Variants in PEX5 observed in about 807,000 individuals in gnomAD.
PEX5 encodes peroxisomal biogenesis factor 5, also known as PTS1 receptor.
A neutral mutation model predicts 82.9 loss-of-function variants in PEX5; 52 were observed. The ratio of observed to expected loss-of-function variants is 0.63; its 90% CI spans 0.50 to 0.79. The LOEUF (loss-of-function observed/expected upper bound fraction) is 0.79, where lower values mean the gene tolerates loss of function less well. Among genes scored for constraint, PEX5 ranks in the 30% least tolerant of loss-of-function variants. The pLI, the probability that PEX5 is intolerant of heterozygous loss-of-function variation, is 0.00. For missense variants in PEX5, 719 were observed against 815.2 expected (o/e 0.88, Z 1.44); for synonymous variants, 300 against 318.8 (o/e 0.94, Z 0.63).
chr12:7,203,358 C>A, intron 9 of PEX5, 74 bp from the exon 10 acceptor site: 1 of 1,507,342 alleles, frequency 6.6e-7, no homozygotes, highest in Non-Finnish European at 9.0e-7. Context: ...CTTAGAGAAT[C>A]CCAGCAGAGC....
At chr12:7,190,947 G>A (rs757453465) in intron 3 of PEX5, 24 bp downstream of exon 3, 11 of 1,607,518 alleles carry the variant, frequency 6.8e-6, no homozygotes, top group Non-Finnish European at 7.7e-6. Context: ...TCTCTTTTCT[G>A]TCCCATTTTT....
intron 5 of PEX5, among the ~76,000 whole-genome samples, chr12:7,193,704 AATC>A (rs1941598410): frequency 6.6e-6 from 1 of 152,212 alleles, no homozygotes; most frequent in African/African-American, 2.4e-5. Context: ...AATTCAGAAA[AATC>A]ATTGCTACTA....
chr12:7,213,200 T>C (rs2136288930), downstream of PEX5, among the ~76,000 whole-genome samples: 1 of 151,062 alleles, frequency 6.6e-6, no homozygotes, highest in Middle Eastern at 3.4e-3. Flanking sequence ...TACCAATGAC[T>C]TTCTTCACAG....
chr12:7,209,848 T>TTCTC lies in PEX5; in HGVS notation c.1718+8_1718+9insTCTC. 2.5e-6 allele frequency: 4 copies of TTCTC among 1,613,858 alleles called. No homozygotes were observed. The South Asian group carries it at 4.4e-5, about 18-fold the overall frequency. On this transcript the variant is annotated intron_variant, in intron 15 of 15. Transcript: ENST00000675855. ...CAACCTCGGGGCTCACCGGTGAGAG[T>TTCTC]ATCTATTGAGAAATGAATGAATGAG... is the stretch of plus-strand genomic sequence containing the variant.
intron 5 of PEX5, among the ~76,000 whole-genome samples, chr12:7,195,878 A>G (rs1941975424): frequency 6.6e-6 from 1 of 150,974 alleles, no homozygotes; most frequent in Admixed American, 6.6e-5. Flanking sequence ...ACTTGAGGCA[A>G]CAGTCTAATT....
rs145762725 is a variant in PEX5, at chr12:7,207,722, C to T, written c.1030C>T (p.Arg344Trp). 3.6e-5 allele frequency: 58 copies of T among 1,613,752 alleles called. No individual in the cohort carries two copies. Among genetic ancestry groups the T allele is most frequent in the East Asian group, 3.1e-4 (14 of 44,888 alleles). ...CCCTCAGCCTTTTGAAGAAGGGCTG[C>T]GGCGCCTTCAGGAGGGGGACCTGCC... is the stretch of plus-strand genomic sequence containing the variant. Reference protein sequence around the residue: ...DHPQPFEEGLRRLQEGDLPNA... With the variant: ...DHPQPFEEGLWRLQEGDLPNA... The change falls in exon 11 of 16, where the codon CGG becomes TGG. Residue 344 changes from arginine to tryptophan, a missense_variant. Arg to Trp is a moderately radical substitution (Grantham distance 101). Transcript: ENST00000675855.
At chr12:7,215,951 ATATATTAAT>A, downstream of PEX5, among the ~76,000 whole-genome samples, 1 of 146,914 alleles carries the variant, frequency 6.8e-6, no homozygotes, top group South Asian at 2.2e-4. Flanking sequence ...ATCAATTTAA[ATATATTAAT>A]TAAATTAAAA....
At chr12:7,203,373 T>C (rs939479280) in intron 9 of PEX5, 59 bp from the exon 10 acceptor site, 52 of 1,557,528 alleles carry the variant, frequency 3.3e-5, no homozygotes, top group Non-Finnish European at 3.0e-5. Flanking sequence ...CAGAGCTGAG[T>C]GTGGGGTGGG....
chr12:7,215,706 T>C (rs754547788), downstream of PEX5, among the ~76,000 whole-genome samples: 2 of 151,970 alleles, frequency 1.3e-5, no homozygotes, highest in Non-Finnish European at 2.9e-5. Context: ...CACATGAACA[T>C]AAAGATAGGA....
At chr12:7,197,874 C>T (rs1160700737) in intron 5 of PEX5, among the ~76,000 whole-genome samples, 2 of 152,120 alleles carry the variant, frequency 1.3e-5, no homozygotes, top group Non-Finnish European at 2.9e-5. Flanking sequence ...GTGGAGTTCC[C>T]CCTTGGGAAC....
Position 7,209,784 on chromosome 12 carries a change from C to T in PEX5, c.1662C>T (p.Gly554=). 1 of 1,614,220 alleles carries T rather than the reference C, an allele frequency of 6.2e-7. No individual in the cohort carries two copies. The highest frequency in any genetic ancestry group is 1.1e-5 in the South Asian group (1 of 91,082). ...GCCGGGCCCTCGAGCTCCAGCCTGG[C>T]TATATCCGGTCCCGCTATAACCTGG... is the stretch of plus-strand genomic sequence containing the variant. The part of the protein sequence containing the change: ...AYRRALELQP[G]YIRSRYNLGI... Residue 554 remains glycine, a synonymous_variant, in exon 15 of 16, where the codon GGC becomes GGT. Coordinates refer to ENST00000675855, the MANE Select transcript of PEX5 (RefSeq NM_001351132.2).
Position 7,207,633 on chromosome 12 carries a change from C to G in PEX5, c.967-26C>G, listed in dbSNP as rs3816424. 454,901 of 1,609,100 alleles carry G rather than the reference C, an allele frequency of 0.28. 66,626 individuals are homozygous for G. The highest frequency in any genetic ancestry group is 0.37 in the South Asian group (33,690 of 90,942). On this transcript the variant is annotated intron_variant, in intron 10 of 15. Coordinates refer to ENST00000675855, the MANE Select transcript of PEX5 (RefSeq NM_001351132.2). ...TGTTCTGACGGTGCCACCTCTCAGT[C>G]CATCTCTCACGTGCTTTTCTTGTAG...
chr12:7,203,599 T>G (rs1944419004), intron 10 of PEX5, 48 bp downstream of exon 10: 4 of 1,573,928 alleles, frequency 2.5e-6, no homozygotes, highest in African/African-American at 1.3e-5. Flanking sequence ...TTCCTTCTTT[T>G]TAACGTCTTT....
chr12:7,213,024 G>A (rs554900526), downstream of PEX5, among the ~76,000 whole-genome samples: 21 of 152,092 alleles, frequency 1.4e-4, no homozygotes, highest in Non-Finnish European at 2.2e-4. Flanking sequence ...TACAAGGGAT[G>A]TGAAGGACCT....
intron 10 of PEX5, among the ~76,000 whole-genome samples, chr12:7,204,648 T>A (rs1413811889): frequency 6.6e-6 from 1 of 152,228 alleles, no homozygotes; most frequent in East Asian, 1.9e-4. Context: ...TATTATTTTG[T>A]ATTAACAATT....
intron 8 of PEX5, 68 bp from the exon 9 acceptor site, chr12:7,202,544 G>A (rs1384110830): frequency 6.9e-7 from 1 of 1,448,444 alleles, no homozygotes; most frequent in East Asian, 2.3e-5. Context: ...TGGTTAGTGG[G>A]TATTTAGTGT....
At chr12:7,203,837 T>C (rs761657702) in intron 10 of PEX5, among the ~76,000 whole-genome samples, 1 of 152,354 alleles carries the variant, frequency 6.6e-6, no homozygotes, top group East Asian at 1.9e-4. Flanking sequence ...ACAGAGGAAG[T>C]AGCTCTGCTT....
intron 1 of PEX5, 78 bp from the exon 2 acceptor site, chr12:7,190,284 C>T: frequency 2.5e-6 from 4 of 1,596,816 alleles, no homozygotes; most frequent in South Asian, 2.2e-5. Flanking sequence ...GTGTGCCTTC[C>T]TCAGATACGG....
At chr12:7,191,780 T>G in intron 5 of PEX5, 80 bp downstream of exon 5, 1 of 1,377,296 alleles carries the variant, frequency 7.3e-7, no homozygotes, top group Non-Finnish European at 1.0e-6. Flanking sequence ...CGTTATAGTG[T>G]GATTACGATT....
Sources: allele counts gnomAD v4.1 joint callset (sites outside exome capture counted in the v4.1 genomes callset), GRCh38; gene constraint gnomAD v4.1.1; transcripts MANE v1.5; gene names NCBI Gene and HGNC (gene_info 2026-07-23, HGNC 2026-07-21).